SYN3: variants seen among roughly 807,000 people sequenced by gnomAD.
The protein encoded by SYN3 is synapsin-3.
SYN3 carries 35 observed loss-of-function variants against 65.8 expected under a neutral mutation model. The observed-to-expected ratio is 0.53, with a 90% CI of 0.41 to 0.70. The LOEUF (loss-of-function observed/expected upper bound fraction) is 0.70. Ranked by LOEUF, SYN3 falls within the 30% of genes least tolerant of loss-of-function variation. The probability of loss-of-function intolerance (pLI) is 0.00; values close to 1 mark genes in which losing one functional copy is unlikely to be tolerated. For missense variants in SYN3, 680 were observed against 749.0 expected, an observed-to-expected ratio of 0.91 and a Z score of 1.08; for synonymous variants, 270 against 292.9, an observed-to-expected ratio of 0.92 and a Z score of 0.80.
chr22:32,999,796 G>A (rs149126619), intron 2 of SYN3, among the ~76,000 whole-genome samples: 134 of 152,292 alleles, frequency 8.8e-4, no homozygotes, highest in African/African-American at 2.9e-3. Context: ...TGAGGGCAAC[G>A]ATTCCCCCAC....
intron 6 of SYN3, among the ~76,000 whole-genome samples, chr22:32,770,650 C>T (rs2145771457): frequency 6.6e-6 from 1 of 152,282 alleles, no homozygotes; most frequent in East Asian, 1.9e-4. Context: ...CCTTACCCAT[C>T]ATATAATACA....
intron 6 of SYN3, among the ~76,000 whole-genome samples, chr22:32,843,924 G>T (rs1373801126): frequency 6.6e-6 from 1 of 152,112 alleles, no homozygotes; most frequent in Non-Finnish European, 1.5e-5. Flanking sequence ...ACAGGAATGG[G>T]GGTGTTGTGT....
chr22:32,754,562 T>C lies in SYN3; in HGVS notation c.711+110353A>G, dbSNP rs554803929. Among the ~76,000 whole-genome samples, 11 of 152,334 alleles carry C rather than the reference T, an allele frequency of 7.2e-5. No homozygotes were observed. In the East Asian group the frequency reaches 1.9e-3, roughly 27 times the overall value. On this transcript the variant is annotated intron_variant, in intron 6 of 13. Transcript: ENST00000358763. The stretch of plus-strand genomic sequence containing the variant: ...CTCTCCTGCTGCCGCAGACCTGATA[T>C]GTGAAGAGTTGGTCCTGAGCAAGGC...
intron 3 of SYN3, among the ~76,000 whole-genome samples, chr22:32,941,152 A>G (rs1322356682): frequency 6.6e-6 from 1 of 152,156 alleles, no homozygotes; most frequent in Non-Finnish European, 1.5e-5. Context: ...AAAATCCACA[A>G]TTCTTAACAG....
At chr22:32,960,341 C>G (rs1223547980) in intron 3 of SYN3, among the ~76,000 whole-genome samples, 1 of 152,212 alleles carries the variant, frequency 6.6e-6, no homozygotes, top group African/African-American at 2.4e-5. Flanking sequence ...ACAGCCCCTA[C>G]TCTCCAAGGC....
intron 6 of SYN3, among the ~76,000 whole-genome samples, chr22:32,750,982 G>A (rs2045104628): frequency 6.6e-6 from 1 of 152,144 alleles, no homozygotes; most frequent in African/African-American, 2.4e-5. Context: ...TCTCTGATAT[G>A]TGAATCTGGA....
At chr22:32,743,268 T>C (rs2044828351) in intron 6 of SYN3, among the ~76,000 whole-genome samples, 1 of 152,196 alleles carries the variant, frequency 6.6e-6, no homozygotes, top group Admixed American at 6.5e-5. Flanking sequence ...GTCACAGTCA[T>C]CTGATGCCTA....
At chr22:32,536,438 T>C (rs2058167175) in intron 9 of SYN3, among the ~76,000 whole-genome samples, 1 of 152,222 alleles carries the variant, frequency 6.6e-6, no homozygotes, top group South Asian at 2.1e-4. Flanking sequence ...GTATTACTAC[T>C]GCTTTCGTTT....
intron 1 of SYN3, among the ~76,000 whole-genome samples, chr22:33,042,175 G>C (rs2145938270): frequency 6.6e-6 from 1 of 152,214 alleles, no homozygotes; most frequent in South Asian, 2.1e-4. Context: ...GACCAGTCTG[G>C]TACCCTGATC....
At chr22:32,786,828 G>C (rs1421028994) in intron 6 of SYN3, among the ~76,000 whole-genome samples, 1 of 152,094 alleles carries the variant, frequency 6.6e-6, no homozygotes, top group African/African-American at 2.4e-5. Flanking sequence ...ATGGTGGGAA[G>C]AAGATGAGAC....
intron 1 of SYN3, among the ~76,000 whole-genome samples, chr22:33,040,595 C>T (rs2053946226): frequency 6.6e-6 from 1 of 152,146 alleles, no homozygotes; most frequent in Non-Finnish European, 1.5e-5. Context: ...GGCTTTGTGT[C>T]CCCACCCAAA....
intron 7 of SYN3, among the ~76,000 whole-genome samples, chr22:32,578,205 TTTC>T (rs1201780607): frequency 6.6e-6 from 1 of 151,956 alleles, no homozygotes; most frequent in Non-Finnish European, 1.5e-5. Flanking sequence ...TTTCTCTCTC[TTTC>T]TTTTTCTTTC....
chr22:32,596,662 T>C lies in SYN3; in HGVS notation c.774+12A>G, dbSNP rs1285820941. 3.1e-6 allele frequency: 5 copies of C among 1,613,618 alleles called. No individual in the cohort carries two copies. The African/African-American group carries it at 5.3e-5, about 17-fold the overall frequency. ...GTGTGTCCACTGTGAGTGGAAGGGC[T>C]GTTTCTCATACCTTTCCCATTCCAG... On this transcript the variant is annotated intron_variant, in intron 7 of 13. Transcript: ENST00000358763.
At chr22:32,618,348 G>C (rs1421342555) in intron 6 of SYN3, among the ~76,000 whole-genome samples, 1 of 152,132 alleles carries the variant, frequency 6.6e-6, no homozygotes, top group East Asian at 1.9e-4. Flanking sequence ...TTCCAAAAAG[G>C]CAGTGGTTTC....
chr22:32,881,427 C>G (rs987607489), intron 4 of SYN3, among the ~76,000 whole-genome samples: 1 of 152,214 alleles, frequency 6.6e-6, no homozygotes, highest in Non-Finnish European at 1.5e-5. Context: ...AGAGGGCTCA[C>G]TTATCAGCTC....
In SYN3 at chr22:32,811,396, A is replaced by T. The variant is rs8135314; in HGVS notation, c.711+53519T>A. Among the ~76,000 whole-genome samples the T allele has an allele frequency of 1.5e-3, 233 of 152,300 alleles. 1 individual carries two copies. Among genetic ancestry groups the T allele is most frequent in the African/African-American group, 5.3e-3 (220 of 41,562 alleles). Reference sequence around the variant, plus strand: ...ATGAGCTTTTAGTAGTAGTGTTGTTATAGAGCAGAGCTGATATTCTCACTT... The same window carrying T: ...ATGAGCTTTTAGTAGTAGTGTTGTTTTAGAGCAGAGCTGATATTCTCACTT... On this transcript the variant is annotated intron_variant, in intron 6 of 13. Coordinates refer to ENST00000358763, the MANE Select transcript of SYN3 (RefSeq NM_003490.4).
intron 6 of SYN3, among the ~76,000 whole-genome samples, chr22:32,710,632 C>G (rs964095499): frequency 1.3e-5 from 1 of 75,022 alleles, no homozygotes; most frequent in African/African-American, 6.2e-5. Flanking sequence ...GACTCTGTCT[C>G]AAAAAAAAAA....
intron 4 of SYN3, among the ~76,000 whole-genome samples, chr22:32,925,551 G>A (rs2050445831): frequency 6.6e-6 from 1 of 152,166 alleles, no homozygotes; most frequent in African/African-American, 2.4e-5. Flanking sequence ...AATATGGCAG[G>A]TCTAGAATAA....
At chr22:33,047,063 T>G (rs1287361204) in intron 1 of SYN3, among the ~76,000 whole-genome samples, 1 of 152,086 alleles carries the variant, frequency 6.6e-6, no homozygotes, top group Non-Finnish European at 1.5e-5. Flanking sequence ...TACTGAAATA[T>G]TTACTCCTTA....
Sources: allele counts gnomAD v4.1 joint callset (sites outside exome capture counted in the v4.1 genomes callset), GRCh38; gene constraint gnomAD v4.1.1; transcripts MANE v1.5; gene names NCBI Gene and HGNC (gene_info 2026-07-23, HGNC 2026-07-21).